Variants in HSD17B2 observed in about 807,000 individuals in gnomAD.
HSD17B2 encodes the protein hydroxysteroid 17-beta dehydrogenase 2, also known as 17-beta-hydroxysteroid dehydrogenase type 2.
HSD17B2 carries 32 observed loss-of-function variants against 26.9 expected under a neutral mutation model. That is an observed-to-expected ratio of 1.19 (90% CI 0.90 to 1.60). The LOEUF (loss-of-function observed/expected upper bound fraction) is 1.60, where lower values mean the gene tolerates loss of function less well. Ranked by LOEUF, HSD17B2 falls within the 40% of genes most tolerant of loss-of-function variation. The probability of loss-of-function intolerance (pLI) is 0.00; values close to 1 mark genes in which losing one functional copy is unlikely to be tolerated. For synonymous variants in HSD17B2, 246 were observed against 186.7 expected (o/e 1.32, Z -2.59); for missense variants, 613 against 468.6 (o/e 1.31, Z -2.85).
At chr16:82,042,196 G>A (rs1441078333) in intron 1 of HSD17B2, among the ~76,000 whole-genome samples, 1 of 151,418 alleles carries the variant, frequency 6.6e-6, no homozygotes, top group Non-Finnish European at 1.5e-5. Flanking sequence ...GTAGAGAGGG[G>A]GTTACGCCAT....
intron 3 of HSD17B2, among the ~76,000 whole-genome samples, chr16:82,086,339 C>T (rs975817698): frequency 5.3e-5 from 8 of 152,118 alleles, no homozygotes; most frequent in Non-Finnish European, 1.0e-4. Context: ...CATGAATGAA[C>T]CTTGAAAACA....
At chr16:82,077,780 G>C (rs541772420) in intron 3 of HSD17B2, among the ~76,000 whole-genome samples, 1 of 150,200 alleles carries the variant, frequency 6.7e-6, no homozygotes, top group African/African-American at 2.4e-5. Context: ...AGAAAGGAAG[G>C]AAGGAAGAAA....
intron 3 of HSD17B2, among the ~76,000 whole-genome samples, chr16:82,075,005 C>G (rs1904293944): frequency 6.6e-6 from 1 of 152,170 alleles, no homozygotes; most frequent in South Asian, 2.1e-4. Flanking sequence ...AGTATCTTCT[C>G]TGACCACAAT....
At chr16:82,048,546 G>C (rs1914007470) in intron 1 of HSD17B2, among the ~76,000 whole-genome samples, 1 of 152,158 alleles carries the variant, frequency 6.6e-6, no homozygotes. Context: ...GAAAAAGTTT[G>C]GTGGAAGAGA....
At chr16:82,065,127 G>C (rs1273905815) in intron 1 of HSD17B2, among the ~76,000 whole-genome samples, 1 of 152,196 alleles carries the variant, frequency 6.6e-6, no homozygotes, top group Non-Finnish European at 1.5e-5. Context: ...ACACAGTGTT[G>C]AACACATCAA....
In HSD17B2 at chr16:82,035,659, C is replaced by A. The variant is rs757286296; in HGVS notation, c.235C>A (p.Pro79Thr). The change falls in exon 1 of 5, where the codon CCT (proline) becomes ACT (threonine). Residue 79 changes from proline (P) to threonine (T), a missense_variant. Coordinates refer to ENST00000199936, the MANE Select transcript of HSD17B2 (RefSeq NM_002153.3). ...TTACTTATCTGGCCAAGAATTGTTA[C>A]CTGTGGATCAGAAGGCAGTCCTGGT... is the stretch of plus-strand genomic sequence containing the variant. ...YTYLSGQELL[P>T]VDQKAVLVTG... is the part of the protein sequence containing the mutation. The A allele has an allele frequency of 7.4e-6, 12 of 1,613,756 alleles. No homozygotes were observed. The South Asian group carries it at 1.3e-4, about 18-fold the overall frequency.
chr16:82,080,423 G>A (rs1904348192), intron 3 of HSD17B2, among the ~76,000 whole-genome samples: 1 of 152,170 alleles, frequency 6.6e-6, no homozygotes, highest in African/African-American at 2.4e-5. Context: ...ACTGGAAGAT[G>A]GTACCTAGGT....
At chr16:82,090,678 A>G (rs1474978686) in intron 3 of HSD17B2, among the ~76,000 whole-genome samples, 2 of 152,140 alleles carry the variant, frequency 1.3e-5, no homozygotes, top group Non-Finnish European at 2.9e-5. Context: ...GTTTGTCATC[A>G]TACCAGCTGC....
chr16:82,043,882 A>G (rs1913839061), intron 1 of HSD17B2, among the ~76,000 whole-genome samples: 4 of 152,090 alleles, frequency 2.6e-5, no homozygotes, highest in Non-Finnish European at 5.9e-5. Flanking sequence ...ATGGTTGTAA[A>G]TATCTTCCTT....
chr16:82,035,633 C>T lies in HSD17B2; in HGVS notation c.209C>T (p.Thr70Ile). The T allele has an allele frequency of 1.2e-6, 2 of 1,613,884 alleles. No homozygotes were observed. The highest frequency in any genetic ancestry group is 1.7e-6 in the Non-Finnish European group (2 of 1,180,004). The change falls in exon 1 of 5, where the codon ACT (threonine) becomes ATT (isoleucine). Residue 70 changes from threonine to isoleucine, a missense_variant. Coordinates refer to ENST00000199936, the MANE Select transcript of HSD17B2 (RefSeq NM_002153.3). ...TCGGTGTCATGCTTCCTCATGTATA[C>T]TTACTTATCTGGCCAAGAATTGTTA... ...LFSVSCFLMY[T>I]YLSGQELLPV...
intron 3 of HSD17B2, among the ~76,000 whole-genome samples, chr16:82,090,404 G>A (rs1904655782): frequency 7.8e-6 from 1 of 127,724 alleles, no homozygotes; most frequent in South Asian, 2.7e-4. Context: ...TACAACCTCT[G>A]CCCCCTGGGG....
chr16:82,073,208 C>T (rs941827654), intron 3 of HSD17B2, among the ~76,000 whole-genome samples: 1 of 151,816 alleles, frequency 6.6e-6, no homozygotes, highest in African/African-American at 2.4e-5. Flanking sequence ...ACATATCTCA[C>T]TCTTTTATTA....
intron 4 of HSD17B2, chr16:82,092,931 T>C (rs995530158): frequency 6.6e-6 from 1 of 152,194 alleles, no homozygotes; most frequent in African/African-American, 2.4e-5. Flanking sequence ...AACACACAGA[T>C]GTAAAATTCC....
At position 82,068,393 on chromosome 16, in the gene HSD17B2, C is replaced by T. The variant is rs1914623183; in HGVS notation, c.478+11C>T. On this transcript the variant is annotated intron_variant, in intron 2 of 4. Coordinates refer to ENST00000199936, the MANE Select transcript of HSD17B2 (RefSeq NM_002153.3). Reference sequence around the variant, plus strand: ...TGCTGCAGGACAGAGGTACTGCCGCCAGCACCCTCAGTGCCTTTACCCTCC... The same window carrying T: ...TGCTGCAGGACAGAGGTACTGCCGCTAGCACCCTCAGTGCCTTTACCCTCC... 6.3e-7 allele frequency: 1 copy of T among 1,599,834 alleles called. No homozygotes were observed. Among genetic ancestry groups the T allele is most frequent in the Non-Finnish European group, 8.5e-7 (1 of 1,172,666 alleles).
intron 1 of HSD17B2, among the ~76,000 whole-genome samples, chr16:82,048,727 T>C (rs1361832355): frequency 6.6e-6 from 1 of 152,218 alleles, no homozygotes; most frequent in Non-Finnish European, 1.5e-5. Context: ...AAGGCTAATA[T>C]GACATGTTAT....
chr16:82,091,144 A>T (rs1468548953), intron 4 of HSD17B2, 105 bp downstream of exon 4: 1 of 1,113,596 alleles, frequency 9.0e-7, no homozygotes, highest in Admixed American at 1.7e-5. Context: ...GTTGTCAAAG[A>T]TGAGCACAGC....
rs1357964041 is a variant in HSD17B2 at position 82,098,315 on chromosome 16, T to C, written c.1043T>C (p.Ile348Thr). Residue 348 changes from isoleucine (I) to threonine (T), a missense_variant, in exon 5 of 5, where the codon ATC (isoleucine) becomes ACC (threonine). Ile to Thr is a moderately conservative substitution (Grantham distance 89). Coordinates refer to ENST00000199936, the MANE Select transcript of HSD17B2 (RefSeq NM_002153.3). ...YTPGKGAYLW[I>T]CLAHYLPIGI... ...CCAGGGAAAGGCGCTTACTTGTGGA[T>C]CTGCCTTGCTCACTATTTGCCTATT... 6.2e-7 allele frequency: 1 copy of C among 1,614,098 alleles called. No individual in the cohort carries two copies. Among genetic ancestry groups the C allele is most frequent in the Non-Finnish European group, 8.5e-7 (1 of 1,180,034 alleles).
chr16:82,046,145 A>G (rs951440389), intron 1 of HSD17B2, among the ~76,000 whole-genome samples: 3 of 152,208 alleles, frequency 2.0e-5, no homozygotes, highest in African/African-American at 7.2e-5. Context: ...TGTTTTCAGT[A>G]CCAATTGCCT....
At chr16:82,052,189 T>G (rs1254061563) in intron 1 of HSD17B2, 1 of 152,248 alleles carries the variant, frequency 6.6e-6, no homozygotes, top group Non-Finnish European at 1.5e-5. Context: ...TCCCAGGTCC[T>G]TCCTTGGTGG....
Sources: allele counts gnomAD v4.1 joint callset (sites outside exome capture counted in the v4.1 genomes callset), GRCh38; gene constraint gnomAD v4.1.1; transcripts MANE v1.5; gene names NCBI Gene and HGNC (gene_info 2026-07-23, HGNC 2026-07-21).